Variants in OTOA observed in about 807,000 individuals in gnomAD.
OTOA encodes the protein otoancorin, also known as cancer/testis antigen 108.
A neutral mutation model predicts 110.8 loss-of-function variants in OTOA; 70 were observed. That is an observed-to-expected ratio of 0.63 (90% CI 0.52 to 0.77). The LOEUF is 0.77. OTOA is among the 30% of genes least tolerant of loss of function. The pLI is 0.00. For missense variants in OTOA, 917 were observed against 1,075.8 expected, an observed-to-expected ratio of 0.85 and a Z score of 2.06; for synonymous variants, 373 against 431.5, an observed-to-expected ratio of 0.86 and a Z score of 1.68.
intron 9 of OTOA, among the ~76,000 whole-genome samples, chr16:21,692,001 G>A (rs1208952860): frequency 6.6e-6 from 1 of 152,144 alleles, no homozygotes; most frequent in East Asian, 1.9e-4. Context: ...AGGGGTACAA[G>A]TTCAAAATCT....
chr16:21,701,656 T>A (rs1342056079), intron 11 of OTOA, among the ~76,000 whole-genome samples: 1 of 152,156 alleles, frequency 6.6e-6, no homozygotes, highest in Non-Finnish European at 1.5e-5. Context: ...TCTTGTCCTG[T>A]CACCCAGGCT....
chr16:21,717,534 C>T (rs922701526), intron 15 of OTOA, among the ~76,000 whole-genome samples: 1 of 152,164 alleles, frequency 6.6e-6, no homozygotes, highest in African/African-American at 2.4e-5. Flanking sequence ...TCAGTTTTCT[C>T]ATGTGCGAAA....
At chr16:21,714,494 C>T (rs1050873207) in intron 13 of OTOA, among the ~76,000 whole-genome samples, 4 of 140,304 alleles carry the variant, frequency 2.9e-5, no homozygotes, top group African/African-American at 7.9e-5. Flanking sequence ...CCCTCTCTCT[C>T]TCTCTCTTTC....
chr16:21,735,136 GAAA>G (rs1194921869), intron 21 of OTOA, among the ~76,000 whole-genome samples: 9 of 72,756 alleles, frequency 1.2e-4, no homozygotes, highest in Admixed American at 6.6e-4. Flanking sequence ...ACAAGACTCT[GAAA>G]AAAAAAAAAA....
At chr16:21,722,158 A>T (rs1898768981) in intron 17 of OTOA, among the ~76,000 whole-genome samples, 1 of 149,994 alleles carries the variant, frequency 6.7e-6, no homozygotes, top group Non-Finnish European at 1.5e-5. Context: ...GCTACTCGGG[A>T]GGCTGACGCA....
intron 1 of OTOA, among the ~76,000 whole-genome samples, chr16:21,668,556 G>T (rs926212043): frequency 6.6e-6 from 1 of 150,758 alleles, no homozygotes; most frequent in Non-Finnish European, 1.5e-5. Context: ...TGCCTCCCGG[G>T]TTCAAGAGAT....
At chr16:21,719,313 C>A (rs1898652719) in intron 16 of OTOA, 74 bp from the exon 17 acceptor site, 11 of 1,554,708 alleles carry the variant, frequency 7.1e-6, no homozygotes. Context: ...CTGATCATAT[C>A]TGCCTTCTCT....
intron 19 of OTOA, 60 bp from the exon 20 acceptor site, chr16:21,728,181 A>G (rs1226915214): frequency 7.5e-6 from 12 of 1,602,708 alleles, no homozygotes; most frequent in African/African-American, 6.7e-5. Context: ...ATGTGTTTCT[A>G]ATGGCTCACG....
intron 1 of OTOA, among the ~76,000 whole-genome samples, chr16:21,667,853 A>G (rs1445099262): frequency 1.3e-5 from 2 of 152,140 alleles, no homozygotes; most frequent in Non-Finnish European, 2.9e-5. Context: ...TCATATGTCA[A>G]TAAATATTAT....
At chr16:21,758,327 C>A (rs958153168) in intron 28 of OTOA, among the ~76,000 whole-genome samples, 2 of 150,054 alleles carry the variant, frequency 1.3e-5, no homozygotes, top group Non-Finnish European at 3.0e-5. Flanking sequence ...TGCAGCCTGG[C>A]GGGGAGGGAA....
chr16:21,734,640 T>C (rs970119936), intron 21 of OTOA, among the ~76,000 whole-genome samples: 3 of 151,614 alleles, frequency 2.0e-5, no homozygotes, highest in Non-Finnish European at 4.4e-5. Flanking sequence ...ATTGAGACCG[T>C]CCTGGCTAAG....
At chr16:21,714,405 CTTTCT>C (rs1898475761) in intron 13 of OTOA, among the ~76,000 whole-genome samples, 1 of 143,262 alleles carries the variant, frequency 7.0e-6, no homozygotes, top group South Asian at 2.2e-4. Flanking sequence ...CTTTCTCTTT[CTTTCT>C]CTTTCTTTCT....
chr16:21,727,733 A>C (rs1340556857), intron 19 of OTOA, among the ~76,000 whole-genome samples: 3 of 152,128 alleles, frequency 2.0e-5, no homozygotes, highest in Non-Finnish European at 4.4e-5. Context: ...CTGGTGTGCC[A>C]AGCCAGGGTT....
At chr16:21,664,581 G>A (rs1966828167) in intron 1 of OTOA, among the ~76,000 whole-genome samples, 1 of 152,096 alleles carries the variant, frequency 6.6e-6, no homozygotes, top group Admixed American at 6.5e-5. Flanking sequence ...TAATAGCTAC[G>A]ATTCATTGCA....
intron 19 of OTOA, among the ~76,000 whole-genome samples, chr16:21,727,884 C>T (rs764733917): frequency 1.3e-3 from 184 of 141,580 alleles, no homozygotes; most frequent in Non-Finnish European, 1.8e-3. Context: ...TTTTTTGAGA[C>T]AGAGTTTTCC....
intron 1 of OTOA, among the ~76,000 whole-genome samples, chr16:21,668,409 AT>A (rs1287327915): frequency 1.4e-5 from 2 of 146,390 alleles, no homozygotes; most frequent in African/African-American, 5.1e-5. Flanking sequence ...GCCTGGCCTA[AT>A]TTTTTATTTT....
intron 14 of OTOA, among the ~76,000 whole-genome samples, chr16:21,716,076 G>A (rs1346028839): frequency 6.9e-6 from 1 of 145,542 alleles, no homozygotes; most frequent in African/African-American, 2.5e-5. Context: ...ACTAATTTTT[G>A]TTTTTCTAGA....
At chr16:21,687,927 G>A (rs923465676) in intron 8 of OTOA, among the ~76,000 whole-genome samples, 3 of 151,760 alleles carry the variant, frequency 2.0e-5, no homozygotes, top group Admixed American at 6.6e-5. Context: ...GCCTCCCAAA[G>A]TGCTTGGATT....
intron 15 of OTOA, among the ~76,000 whole-genome samples, chr16:21,717,375 G>T (rs745598489): frequency 6.6e-6 from 1 of 152,062 alleles, no homozygotes; most frequent in South Asian, 2.1e-4. Context: ...TGGGAGTTCC[G>T]CAATGCAGTG....
Sources: allele counts gnomAD v4.1 joint callset (sites outside exome capture counted in the v4.1 genomes callset), GRCh38; gene constraint gnomAD v4.1.1; transcripts MANE v1.5; gene names NCBI Gene and HGNC (gene_info 2026-07-23, HGNC 2026-07-21).